ATP8B4: variants seen among roughly 807,000 people sequenced by gnomAD.
ATP8B4 encodes the protein ATPase phospholipid transporting 8B4 (putative), also known as probable phospholipid-transporting ATPase IM.
In ATP8B4, 133 loss-of-function variants were observed where a neutral mutation model predicts 145.6. That is an observed-to-expected ratio of 0.91 (90% confidence interval 0.79 to 1.05). The LOEUF is 1.05. Among genes scored for constraint, ATP8B4 ranks in the 50% least tolerant of loss-of-function variants. The probability of loss-of-function intolerance (pLI) is 0.00; values close to 1 mark genes in which losing one functional copy is unlikely to be tolerated. For synonymous variants in ATP8B4, 507 were observed against 492.9 expected, an observed-to-expected ratio of 1.03 and a Z score of -0.38; for missense variants, 1,458 against 1,425.2, an observed-to-expected ratio of 1.02 and a Z score of -0.37.
chr15:50,148,001 T>C (rs1448636782), intron 1 of ATP8B4, among the ~76,000 whole-genome samples: 1 of 152,214 alleles, frequency 6.6e-6, no homozygotes, highest in East Asian at 1.9e-4. Flanking sequence ...ATCTTTCCAA[T>C]GCATCTAGCA....
chr15:50,151,830 G>C (rs181816532), intron 1 of ATP8B4, among the ~76,000 whole-genome samples: 1 of 150,636 alleles, frequency 6.6e-6, no homozygotes, highest in Non-Finnish European at 1.5e-5. Context: ...CTTATGAACA[G>C]TTTCCAAATT....
At chr15:50,041,124 G>A (rs533924897) in intron 5 of ATP8B4, among the ~76,000 whole-genome samples, 110 of 152,300 alleles carry the variant, frequency 7.2e-4, no homozygotes, top group African/African-American at 2.4e-3. Flanking sequence ...TCTATGAAGT[G>A]TGACTATAAT....
At position 49,859,050 on chromosome 15, in the gene ATP8B4, T is replaced by TCACACAAATA. The variant is rs1247189227; in HGVS notation, c.*1134_*1143dup. On this transcript the variant is annotated 3_prime_UTR_variant, in exon 28 of 28. Coordinates refer to ENST00000284509, the MANE Select transcript of ATP8B4 (RefSeq NM_024837.4). ...GTAAGAAGTGACAGAACTGAGGTTT[T>TCACACAAATA]CACACAAATATGCCCGAATCACTTT... The TCACACAAATA allele has an allele frequency of 2.0e-5, 3 of 152,218 alleles. No individual in the cohort carries two copies. Among genetic ancestry groups the TCACACAAATA allele is most frequent in the African/African-American group, 7.2e-5 (3 of 41,456 alleles). 9.4% of individuals were successfully genotyped at this position (152,218 alleles called of 1,614,324 possible). A position where few individuals can be genotyped will look rare whatever the true frequency, so the allele number is the denominator to read the frequency against.
At chr15:49,931,434 T>C (rs2041245959) in intron 15 of ATP8B4, 127 bp from the exon 16 acceptor site, 5 of 873,444 alleles carry the variant, frequency 5.7e-6, no homozygotes, top group African/African-American at 3.4e-5. Context: ...TTTCCTGTCC[T>C]CAGATCTTTT....
chr15:49,917,500 A>G (rs1232364677), intron 19 of ATP8B4, among the ~76,000 whole-genome samples: 3 of 152,198 alleles, frequency 2.0e-5, no homozygotes, highest in Non-Finnish European at 4.4e-5. Context: ...TGACAAAAAA[A>G]AATGCTCTTA....
intron 14 of ATP8B4, among the ~76,000 whole-genome samples, chr15:49,937,000 T>A (rs2041795271): frequency 1.3e-5 from 2 of 152,140 alleles, no homozygotes; most frequent in South Asian, 4.1e-4. Flanking sequence ...GTTTCATGGA[T>A]GTTATAACTT....
intron 1 of ATP8B4, among the ~76,000 whole-genome samples, chr15:50,110,928 A>G (rs2056908922): frequency 6.6e-6 from 1 of 152,102 alleles, no homozygotes; most frequent in Non-Finnish European, 1.5e-5. Context: ...TTACATTTCA[A>G]GTTTGGGTGT....
chr15:49,901,877 A>G, intron 20 of ATP8B4: 1 of 395,608 alleles, frequency 2.5e-6, no homozygotes, highest in East Asian at 7.7e-5. Flanking sequence ...TAGGAAAAAA[A>G]CTAGACACCA....
chr15:49,926,337 T>C (rs1399316652), intron 16 of ATP8B4, among the ~76,000 whole-genome samples: 4 of 152,130 alleles, frequency 2.6e-5, no homozygotes, highest in Non-Finnish European at 4.4e-5. Flanking sequence ...AATCTAGGCA[T>C]CACTCACAGT....
chr15:49,949,235 T>A lies in ATP8B4; in HGVS notation c.1287+12742A>T, dbSNP rs972990450. The stretch of plus-strand genomic sequence containing the variant: ...CAATGGTAGTTTGATGGGAATAGCA[T>A]TGAATCTATAAATTACTTTGGGCAG... On this transcript the variant is annotated intron_variant, in intron 14 of 27. Coordinates refer to ENST00000284509, the MANE Select transcript of ATP8B4 (RefSeq NM_024837.4). Among the ~76,000 whole-genome samples the A allele has an allele frequency of 2.0e-5, 3 of 152,224 alleles. No individual in the cohort carries two copies. The East Asian group carries it at 5.8e-4, about 29-fold the overall frequency.
intron 1 of ATP8B4, among the ~76,000 whole-genome samples, chr15:50,167,083 C>A (rs763728988): frequency 6.6e-6 from 1 of 152,182 alleles, no homozygotes; most frequent in Non-Finnish European, 1.5e-5. Flanking sequence ...ATAGTTACAG[C>A]CTACTTTAGG....
chr15:49,879,208 G>C (rs2034996273), intron 24 of ATP8B4, among the ~76,000 whole-genome samples, 168 bp downstream of exon 24: 2 of 152,190 alleles, frequency 1.3e-5, no homozygotes, highest in African/African-American at 4.8e-5. Flanking sequence ...GGGTATAGGG[G>C]TAAGGGAGGC....
rs1480442351 is a variant in ATP8B4 at position 49,871,053 on chromosome 15, AAAG to A, written c.3028-4572_3028-4570del. Among the ~76,000 whole-genome samples the A allele has an allele frequency of 2.0e-5, 3 of 152,210 alleles. No homozygotes were observed. In the South Asian group the frequency reaches 6.2e-4, roughly 32 times the overall value. ...GCCCACAGCTTCTACTTATCTTTAC[AAAG>A]AAGGGAGGTTCACGTAGCTTTGGAG... is the stretch of plus-strand genomic sequence containing the variant. On this transcript the variant is annotated intron_variant, in intron 25 of 27. Transcript: ENST00000284509.
chr15:49,983,664 T>C (rs1032077515), intron 10 of ATP8B4, among the ~76,000 whole-genome samples: 11 of 152,214 alleles, frequency 7.2e-5, no homozygotes, highest in African/African-American at 2.7e-4. Context: ...CTTTTCACAA[T>C]TAACACATAT....
At chr15:50,102,003 C>T (rs566293183) in intron 2 of ATP8B4, among the ~76,000 whole-genome samples, 2 of 151,984 alleles carry the variant, frequency 1.3e-5, no homozygotes, top group African/African-American at 4.8e-5. Flanking sequence ...ATTGGGTCAA[C>T]AATGAAATCA....
chr15:50,135,737 C>A (rs1198512470), intron 1 of ATP8B4, among the ~76,000 whole-genome samples: 1 of 152,160 alleles, frequency 6.6e-6, no homozygotes, highest in Non-Finnish European at 1.5e-5. Context: ...AAAACTGTAA[C>A]TAAATACCTA....
At chr15:49,903,260 A>G (rs934435501) in intron 20 of ATP8B4, among the ~76,000 whole-genome samples, 1 of 152,220 alleles carries the variant, frequency 6.6e-6, no homozygotes, top group Non-Finnish European at 1.5e-5. Context: ...GAAGGGAAAA[A>G]GCTACACATA....
At chr15:50,148,312 T>A (rs1186545792) in intron 1 of ATP8B4, among the ~76,000 whole-genome samples, 1 of 152,176 alleles carries the variant, frequency 6.6e-6, no homozygotes, top group Non-Finnish European at 1.5e-5. Flanking sequence ...ATATTTAATA[T>A]TAAATGCAAT....
At chr15:50,081,069 C>T (rs754532487) in intron 2 of ATP8B4, among the ~76,000 whole-genome samples, 10 of 150,616 alleles carry the variant, frequency 6.6e-5, no homozygotes, top group South Asian at 2.1e-4. Flanking sequence ...GCCGAGATCA[C>T]GCCACTGCAC....
Sources: allele counts gnomAD v4.1 joint callset (sites outside exome capture counted in the v4.1 genomes callset), GRCh38; gene constraint gnomAD v4.1.1; transcripts MANE v1.5; gene names NCBI Gene and HGNC (gene_info 2026-07-23, HGNC 2026-07-21).